The following SETD1A variants were observed in gnomAD, a reference collection of about 807,000 sequenced individuals.
SETD1A encodes the protein histone-lysine N-methyltransferase SETD1A.
SETD1A carries 29 observed loss-of-function variants against 149.9 expected under a neutral mutation model. The ratio of observed to expected loss-of-function variants is 0.19; its 90% CI spans 0.14 to 0.26. The LOEUF is 0.26. SETD1A is among the 10% of genes least tolerant of loss of function. The pLI is 1.00. For missense variants in SETD1A, 2,109 were observed against 2,353.1 expected (o/e 0.90, Z 2.15); for synonymous variants, 1,141 against 968.5 (o/e 1.18, Z -3.31).
chr16:30,961,816 A>G lies in SETD1A; in HGVS notation c.517+279A>G, dbSNP rs1217886030. Among the ~76,000 whole-genome samples, 1 of 152,076 alleles carries G rather than the reference A, an allele frequency of 6.6e-6. No homozygotes were observed. The highest frequency in any genetic ancestry group is 1.5e-5 in the Non-Finnish European group (1 of 68,018). Reference sequence around the variant, plus strand: ...TGAAGGGTTGTACTAGGTAAGATGAATAGATTGTAGTAAATCAGCCCAGGT... The same window carrying G: ...TGAAGGGTTGTACTAGGTAAGATGAGTAGATTGTAGTAAATCAGCCCAGGT... On this transcript the variant is annotated intron_variant, in intron 4 of 18. Coordinates refer to ENST00000262519, the MANE Select transcript of SETD1A (RefSeq NM_014712.3). The surrounding 1 kb of genome is among the most constrained non-coding windows in gnomAD (Gnocchi z 4.0).
At chr16:30,967,120 T>C (rs1266904976) in intron 9 of SETD1A, 60 bp downstream of exon 9, 2 of 1,298,090 alleles carry the variant, frequency 1.5e-6, no homozygotes, top group Non-Finnish European at 2.1e-6. Context: ...GCCCCCTTCC[T>C]TGGGGTAGGG....
rs2056053352 is a variant in SETD1A, at chr16:30,961,604, C to T, written c.517+67C>T. ...GGAGGTTGTACATGCAAATGCCTGT[C>T]AGGGTCAGGCAGGCGCCCAGGGTCA... On this transcript the variant is annotated intron_variant, in intron 4 of 18. Coordinates refer to ENST00000262519, the MANE Select transcript of SETD1A (RefSeq NM_014712.3). This position sits in a 1 kb window ranked among gnomAD's most constrained non-coding sequence, Gnocchi z 4.0. 5 of 1,460,634 alleles carry T rather than the reference C, an allele frequency of 3.4e-6. No homozygotes were observed. The highest frequency in any genetic ancestry group is 1.4e-5 in the African/African-American group (1 of 70,416). The allele number at this position is 1,460,634 out of a possible 1,614,324, so 90.5% of individuals were successfully genotyped here. A position where few individuals can be genotyped will look rare whatever the true frequency, so the allele number is the denominator to read the frequency against.
rs146489114 is a variant in SETD1A, at chr16:30,980,504, A to G, written c.4428A>G (p.Pro1476=). 3.8e-5 allele frequency: 61 copies of G among 1,613,904 alleles called. 1 individual carries two copies. In the African/African-American group the frequency reaches 7.7e-4, roughly 20 times the overall value. ...VHHTITNLTT[P]KRKRRPQDGP... ...CTGCACTCACCAACCTGACCACCCC[A>G]AAACGCAAGCGGCGGCCCCAGGATG... The change falls in exon 15 of 19, where the codon CCA becomes CCG. Residue 1476 remains proline, a synonymous_variant. Transcript: ENST00000262519. The surrounding 1 kb of genome is among the most constrained non-coding windows in gnomAD (Gnocchi z 7.7).
In SETD1A at chr16:30,961,158, C is replaced by A; in HGVS notation, c.247-109C>A. The A allele has an allele frequency of 8.4e-7, 1 of 1,196,246 alleles. No homozygotes were observed. Among genetic ancestry groups the A allele is most frequent in the Non-Finnish European group, 1.2e-6 (1 of 824,804 alleles). 74.1% of individuals were successfully genotyped at this position (1,196,246 alleles called of 1,614,324 possible). A position where few individuals can be genotyped will look rare whatever the true frequency, so the allele number is the denominator to read the frequency against. On this transcript the variant is annotated intron_variant, in intron 3 of 18. Transcript: ENST00000262519. This position sits in a 1 kb window ranked among gnomAD's most constrained non-coding sequence, Gnocchi z 4.0. ...TTTGGGCCCCTTCCCTTGCCCCTCA[C>A]TTTCCCGGATCTCTCTCTTGACTTC...
chr16:30,967,618 G>A (rs756154577), intron 10 of SETD1A, 30 bp downstream of exon 10: 1 of 1,586,964 alleles, frequency 6.3e-7, no homozygotes, highest in South Asian at 1.1e-5. Context: ...AGGAGAAGGG[G>A]TGTGCTGCGT....
At position 30,971,712 on chromosome 16, in the gene SETD1A, G is replaced by A. The variant is rs767546015; in HGVS notation, c.3351G>A (p.Arg1117=). 6.4e-7 allele frequency: 1 copy of A among 1,564,422 alleles called. No individual in the cohort carries two copies. The highest frequency in any genetic ancestry group is 1.2e-5 in the South Asian group (1 of 84,518). Reference sequence around the variant, plus strand: ...CCGAACAGGAGGCGTCTCCAGCAAGGCCTGCAGGTAGGTGCCACAGGGCTG... The same window carrying A: ...CCGAACAGGAGGCGTCTCCAGCAAGACCTGCAGGTAGGTGCCACAGGGCTG... The part of the protein sequence containing the change: ...PLPEQEASPA[R]PAGPTEESPP... Residue 1117 remains arginine (R), a synonymous_variant, in exon 13 of 19, where the codon AGG becomes AGA. Coordinates refer to ENST00000262519, the MANE Select transcript of SETD1A (RefSeq NM_014712.3).
In SETD1A at chr16:30,979,652, C is replaced by G. The variant is rs925078366; in HGVS notation, c.3866C>G (p.Pro1289Arg). The change falls in exon 14 of 19, where the codon CCT (proline) becomes CGT (arginine). Residue 1289 changes from proline to arginine, a missense_variant. Physicochemically the swap from Pro to Arg is moderately radical, Grantham distance 103. Transcript: ENST00000262519. ...GAGACATCGGACGAGGCCGAGCGCC[C>G]TAGGCCCCTGCTCAGCCACATCCTC... ...ATETSDEAER[P>R]RPLLSHILLE... is the part of the protein sequence containing the mutation. The G allele has an allele frequency of 6.2e-7, 1 of 1,609,820 alleles. No individual in the cohort carries two copies. Among genetic ancestry groups the G allele is most frequent in the African/African-American group, 1.3e-5 (1 of 75,034 alleles).
rs749510247 is a variant in SETD1A at position 30,958,731 on chromosome 16, G to A, written c.-1G>A. ...TCCCCTAACAGTGTAAATGAGCAAA[G>A]ATGGATCAGGAAGGTGGGGGAGATG... On this transcript the variant is annotated 5_prime_UTR_variant, in exon 2 of 19. Transcript: ENST00000262519. 1 of 1,614,162 alleles carries A rather than the reference G, an allele frequency of 6.2e-7. No individual in the cohort carries two copies. The highest frequency in any genetic ancestry group is 1.1e-5 in the South Asian group (1 of 91,088).
At chr16:30,982,221 C>A (rs2056388142) in intron 17 of SETD1A, among the ~76,000 whole-genome samples, 1 of 152,162 alleles carries the variant, frequency 6.6e-6, no homozygotes. Flanking sequence ...AGGGCCATGG[C>A]CAGGCGCGGT....
chr16:30,976,026 G>T (rs2056280080), intron 13 of SETD1A, among the ~76,000 whole-genome samples: 2 of 145,412 alleles, frequency 1.4e-5, no homozygotes, highest in African/African-American at 5.1e-5. Flanking sequence ...GCAGGGAGAT[G>T]GGGGTGTTGT....
Position 30,980,146 on chromosome 16 carries a change from A to G in SETD1A, c.4360A>G (p.Thr1454Ala). Residue 1454 changes from threonine (T) to alanine (A), a missense_variant, in exon 14 of 19, where the codon ACA becomes GCA. Coordinates refer to ENST00000262519, the MANE Select transcript of SETD1A (RefSeq NM_014712.3). This position sits in a 1 kb window ranked among gnomAD's most constrained non-coding sequence, Gnocchi z 7.7. ...RLTYERLLQQ[T>A]SGADWLNDTH... ...TACGTACGAGCGGCTGCTGCAGCAGACAAGCGGGGCTGACTGGCTCAACGA... is the reference window on the plus strand; with the variant it reads ...TACGTACGAGCGGCTGCTGCAGCAGGCAAGCGGGGCTGACTGGCTCAACGA... 2 of 1,611,162 alleles carry G rather than the reference A, an allele frequency of 1.2e-6. No individual in the cohort carries two copies. The highest frequency in any genetic ancestry group is 1.3e-5 in the African/African-American group (1 of 74,878).
intron 13 of SETD1A, among the ~76,000 whole-genome samples, chr16:30,977,597 G>C (rs889833869): frequency 6.6e-6 from 1 of 152,228 alleles, no homozygotes; most frequent in Non-Finnish European, 1.5e-5. Flanking sequence ...AGCGTGAGGT[G>C]GTCTGTAGGG....
At chr16:30,971,333 G>T (rs1452029912) in intron 12 of SETD1A, 45 bp from the exon 13 acceptor site, 7 of 1,536,286 alleles carry the variant, frequency 4.6e-6, no homozygotes, top group Non-Finnish European at 6.2e-6. Context: ...GGCTGGCCAA[G>T]TGAGGTCTGC....
chr16:30,965,115 C>A lies in SETD1A; in HGVS notation c.1373C>A (p.Thr458Asn). Residue 458 changes from threonine (T) to asparagine (N), a missense_variant, in exon 7 of 19, where the codon ACT (threonine) becomes AAT (asparagine). Transcript: ENST00000262519. ...AGCCCTGAGAGAGAAGAAGTTCGGA[C>A]TTCCCCCCGCCCAGCCTCCCCTGCC... ...GPSPEREEVR[T>N]SPRPASPARS... 6.2e-7 allele frequency: 1 copy of A among 1,611,860 alleles called. No homozygotes were observed. Among genetic ancestry groups the A allele is most frequent in the Non-Finnish European group, 8.5e-7 (1 of 1,179,902 alleles).
Position 30,971,408 on chromosome 16 carries a change from A to G in SETD1A, c.3047A>G (p.Lys1016Arg), listed in dbSNP as rs1323832123. 1 of 1,599,780 alleles carries G rather than the reference A, an allele frequency of 6.3e-7. No individual in the cohort carries two copies. The highest frequency in any genetic ancestry group is 1.3e-5 in the African/African-American group (1 of 74,516). Reference sequence around the variant, plus strand: ...GACGAGGAAAGCGATTCGTCTTCCAAATGTTCTCTGTATGCTGACTCAGAT... The same window carrying G: ...GACGAGGAAAGCGATTCGTCTTCCAGATGTTCTCTGTATGCTGACTCAGAT... Reference protein sequence around the residue: ...GEDEESDSSSKCSLYADSDGE... With the variant: ...GEDEESDSSSRCSLYADSDGE... Residue 1016 changes from lysine to arginine, a missense_variant, in exon 13 of 19, where the codon AAA becomes AGA. Lys to Arg is a conservative substitution (Grantham distance 26, BLOSUM62 2). Coordinates refer to ENST00000262519, the MANE Select transcript of SETD1A (RefSeq NM_014712.3).
rs2143450125 is a variant in SETD1A, at chr16:30,959,180, G to C, written c.240G>C (p.Lys80Asn). The change falls in exon 3 of 19, where the codon AAG (lysine) becomes AAC (asparagine). Residue 80 changes from lysine (K) to asparagine (N), a missense_variant. Physicochemically the swap from Lys to Asn is moderately conservative, Grantham distance 94 (BLOSUM62 0). Transcript: ENST00000262519. ...GAGACTTTTCCCTCCCAGTCCCTAA[G>C]TTTAAGGTAAGTGTCTGCTGGGCTC... ...KNRDFSLPVP[K>N]FKLDEFYIGQ... is the part of the protein sequence containing the mutation. The C allele has an allele frequency of 6.2e-7, 1 of 1,608,112 alleles. No individual in the cohort carries two copies. Among genetic ancestry groups the C allele is most frequent in the Non-Finnish European group, 8.5e-7 (1 of 1,174,534 alleles).
intron 5 of SETD1A, among the ~76,000 whole-genome samples, chr16:30,963,797 C>G (rs2056090291): frequency 6.6e-6 from 1 of 152,180 alleles, no homozygotes; most frequent in African/African-American, 2.4e-5. Flanking sequence ...TTGAAACCAT[C>G]CTGACTAACA....
rs2056431988 is a variant in SETD1A at position 30,984,603 on chromosome 16, T to C, written c.*580T>C. The C allele has an allele frequency of 6.5e-6, 1 of 154,420 alleles. No individual in the cohort carries two copies. 9.6% of individuals were successfully genotyped at this position (154,420 alleles called of 1,614,324 possible). The stretch of plus-strand genomic sequence containing the variant: ...CTTTTGCTGGGCTGGACTGTACATA[T>C]GTTAATAGCGCAAACCCGACGCCAC... On this transcript the variant is annotated 3_prime_UTR_variant, in exon 19 of 19. Transcript: ENST00000262519.
chr16:30,981,470 G>C (rs1311166901), intron 17 of SETD1A, among the ~76,000 whole-genome samples: 1 of 152,218 alleles, frequency 6.6e-6, no homozygotes, highest in Non-Finnish European at 1.5e-5. Flanking sequence ...TGCCTCCTGG[G>C]TTCAAGCGAT....
Sources: gnomAD v4.1 joint callset for allele counts (sites outside exome capture counted in the v4.1 genomes callset) on GRCh38, gnomAD v4.1.1 for gene constraint, Gnocchi (gnomAD v3.1) non-coding constraint, MANE v1.5 for transcripts, NCBI Gene and HGNC (gene_info 2026-07-23, HGNC 2026-07-21) for gene names.